The following ANKRD6 variants were observed in gnomAD, a reference collection of about 807,000 sequenced individuals.
ANKRD6 encodes the protein ankyrin repeat domain 6, also known as ankyrin repeat domain-containing protein 6.
A neutral mutation model predicts 82.3 loss-of-function variants in ANKRD6; 56 were observed. The ratio of observed to expected loss-of-function variants is 0.68; its 90% CI spans 0.55 to 0.85. The LOEUF (loss-of-function observed/expected upper bound fraction) is 0.85. Ranked by LOEUF, ANKRD6 falls within the 40% of genes least tolerant of loss-of-function variation. The pLI, the probability that ANKRD6 is intolerant of heterozygous loss-of-function variation, is 0.00. For synonymous variants in ANKRD6, 347 were observed against 352.1 expected, an observed-to-expected ratio of 0.99 and a Z score of 0.16; for missense variants, 852 against 907.6, an observed-to-expected ratio of 0.94 and a Z score of 0.79.
At chr6:89,499,825 C>G (rs966169633) in intron 1 of ANKRD6, among the ~76,000 whole-genome samples, 1 of 152,094 alleles carries the variant, frequency 6.6e-6, no homozygotes, top group Non-Finnish European at 1.5e-5. Context: ...GCCTGTCTTC[C>G]CTTTCAACTC....
chr6:89,507,912 C>G (rs547919583), intron 1 of ANKRD6, among the ~76,000 whole-genome samples: 30 of 152,192 alleles, frequency 2.0e-4, no homozygotes, highest in African/African-American at 6.5e-4. Flanking sequence ...TAGCTGTGTC[C>G]TAGAATGATC....
intron 1 of ANKRD6, among the ~76,000 whole-genome samples, chr6:89,450,551 C>T (rs886569518): frequency 7.2e-5 from 11 of 152,156 alleles, no homozygotes; most frequent in African/African-American, 2.7e-4. Flanking sequence ...GGGAGTCTCA[C>T]TTTGTTGCCC....
In ANKRD6 at chr6:89,595,989, G is replaced by T; in HGVS notation, c.194G>T (p.Gly65Val). 1 of 1,609,964 alleles carries T rather than the reference G, an allele frequency of 6.2e-7. No individual in the cohort carries two copies. Among genetic ancestry groups the T allele is most frequent in the Non-Finnish European group, 8.5e-7 (1 of 1,178,250 alleles). ...GTGGTCCAGATCTTGCTGAAGGCTG[G>T]CTGCGACCTTGATGTCCAGGATGAT... Reference protein sequence around the residue: ...LPVVQILLKAGCDLDVQDDGD... With the variant: ...LPVVQILLKAVCDLDVQDDGD... Residue 65 changes from glycine to valine, a missense_variant, in exon 3 of 16, where the codon GGC (glycine) becomes GTC (valine). Physicochemically the swap from Gly to Val is moderately radical, Grantham distance 109. Transcript: ENST00000339746.
intron 1 of ANKRD6, among the ~76,000 whole-genome samples, chr6:89,534,998 A>G (rs1286376029): frequency 6.6e-6 from 1 of 152,234 alleles, no homozygotes; most frequent in Non-Finnish European, 1.5e-5. Flanking sequence ...AAACCTCTGC[A>G]GAAACCTGGC....
chr6:89,549,983 C>T (rs1166566501), intron 1 of ANKRD6, among the ~76,000 whole-genome samples: 1 of 151,926 alleles, frequency 6.6e-6, no homozygotes, highest in African/African-American at 2.4e-5. Flanking sequence ...GTAGACCTAG[C>T]TACTCAGGAG....
chr6:89,577,326 C>T (rs1156624531), intron 2 of ANKRD6, among the ~76,000 whole-genome samples: 1 of 152,090 alleles, frequency 6.6e-6, no homozygotes, highest in Non-Finnish European at 1.5e-5. Context: ...TCTAGTTGCC[C>T]CTGCAGGCAC....
At chr6:89,560,243 G>T (rs540879071) in intron 1 of ANKRD6, among the ~76,000 whole-genome samples, 1 of 152,138 alleles carries the variant, frequency 6.6e-6, no homozygotes, top group Non-Finnish European at 1.5e-5. Context: ...AGTTCTTCTG[G>T]CTAGAAGTCC....
intron 1 of ANKRD6, among the ~76,000 whole-genome samples, chr6:89,526,202 T>G (rs1292444578): frequency 6.6e-6 from 1 of 152,248 alleles, no homozygotes; most frequent in Non-Finnish European, 1.5e-5. Flanking sequence ...GTACCAATTA[T>G]GTGTGTACAC....
intron 2 of ANKRD6, among the ~76,000 whole-genome samples, chr6:89,576,879 C>CTTCG (rs1791228006): frequency 6.6e-6 from 1 of 152,176 alleles, no homozygotes; most frequent in South Asian, 2.1e-4. Context: ...CCATCTCCAG[C>CTTCG]TTCGCCCTGT....
intron 3 of ANKRD6, chr6:89,601,683 G>A (rs1797201094): frequency 6.6e-6 from 1 of 152,058 alleles, no homozygotes. Context: ...TACGTATACG[G>A]TTCAGTGGCA....
chr6:89,534,341 C>T (rs561796689), intron 1 of ANKRD6, among the ~76,000 whole-genome samples: 4 of 152,170 alleles, frequency 2.6e-5, no homozygotes, highest in African/African-American at 4.8e-5. Flanking sequence ...AATTACCCTG[C>T]GGTTGTTGCC....
At chr6:89,533,147 T>C (rs1344196781) in intron 1 of ANKRD6, among the ~76,000 whole-genome samples, 1 of 152,210 alleles carries the variant, frequency 6.6e-6, no homozygotes, top group South Asian at 2.1e-4. Context: ...AGTGGTGGGA[T>C]GACAGGCGTG....
At chr6:89,503,298 C>T (rs1168963333) in intron 1 of ANKRD6, among the ~76,000 whole-genome samples, 1 of 152,168 alleles carries the variant, frequency 6.6e-6, no homozygotes, top group Admixed American at 6.5e-5. Context: ...ATTAGGAAGT[C>T]GTGATTAGGC....
chr6:89,545,027 C>T (rs1280753274), intron 1 of ANKRD6, among the ~76,000 whole-genome samples: 1 of 151,850 alleles, frequency 6.6e-6, no homozygotes, highest in Non-Finnish European at 1.5e-5. Flanking sequence ...TCCTGGCTAA[C>T]ACGGTGAAAC....
At chr6:89,603,003 G>C (rs1368826759) in intron 3 of ANKRD6, 26 bp from the exon 4 acceptor site, 1 of 1,572,112 alleles carries the variant, frequency 6.4e-7, no homozygotes, top group South Asian at 1.2e-5. Flanking sequence ...GCTGACTGCT[G>C]TTCCTGCCTT....
intron 7 of ANKRD6, among the ~76,000 whole-genome samples, chr6:89,614,118 C>T (rs551489184): frequency 3.5e-4 from 53 of 152,270 alleles, no homozygotes; most frequent in African/African-American, 1.2e-3. Context: ...CATATCACCA[C>T]ATTTGCATAT....
chr6:89,564,329 TAGA>T (rs933281613), intron 1 of ANKRD6, among the ~76,000 whole-genome samples: 1 of 152,028 alleles, frequency 6.6e-6, no homozygotes, highest in Non-Finnish European at 1.5e-5. Context: ...AGCAAAAAAA[TAGA>T]AGGGTGTTTC....
chr6:89,567,114 C>T lies in ANKRD6; in HGVS notation c.120+18C>T, dbSNP rs375731543. 77 of 1,569,236 alleles carry T rather than the reference C, an allele frequency of 4.9e-5. No individual in the cohort carries two copies. The Middle Eastern group carries it at 6.7e-4, about 14-fold the overall frequency. ...TTACCAAGGTAACAAGAGAAAAATA[C>T]GCTGTAGCCATTCCCTGGGAACTGG... is the stretch of plus-strand genomic sequence containing the variant. On this transcript the variant is annotated intron_variant, in intron 2 of 15. Coordinates refer to ENST00000339746, the MANE Select transcript of ANKRD6 (RefSeq NM_001242809.2).
At chr6:89,549,753 C>T (rs953772560) in intron 1 of ANKRD6, among the ~76,000 whole-genome samples, 2 of 152,080 alleles carry the variant, frequency 1.3e-5, no homozygotes, top group Non-Finnish European at 2.9e-5. Flanking sequence ...TGCACTCCTG[C>T]CTCTGGGACA....
Sources: gnomAD v4.1 joint callset for allele counts (sites outside exome capture counted in the v4.1 genomes callset) on GRCh38, gnomAD v4.1.1 for gene constraint, MANE v1.5 for transcripts, NCBI Gene and HGNC (gene_info 2026-07-23, HGNC 2026-07-21) for gene names.